Variants in AHCTF1 observed in about 807,000 individuals in gnomAD.
AHCTF1 encodes the protein protein ELYS.
In AHCTF1, 24 loss-of-function variants were observed where a neutral mutation model predicts 248.4. The observed-to-expected ratio is 0.10, with a 90% CI of 0.07 to 0.14. The LOEUF (loss-of-function observed/expected upper bound fraction) is 0.14, where lower values mean the gene tolerates loss of function less well. Among genes scored for constraint, AHCTF1 ranks in the 10% least tolerant of loss-of-function variants. The pLI is 1.00. For missense variants in AHCTF1, 2,206 were observed against 2,636.2 expected, an observed-to-expected ratio of 0.84 and a Z score of 3.57; for synonymous variants, 786 against 929.8, an observed-to-expected ratio of 0.85 and a Z score of 2.81.
chr1:246,897,498 T>C (rs1454886800), intron 12 of AHCTF1, among the ~76,000 whole-genome samples: 1 of 152,228 alleles, frequency 6.6e-6, no homozygotes, highest in Admixed American at 6.5e-5. Flanking sequence ...AGGTGTTTCA[T>C]TGTTGTGCAA....
intron 6 of AHCTF1, among the ~76,000 whole-genome samples, chr1:246,905,129 G>T (rs748841123): frequency 6.6e-6 from 1 of 152,182 alleles, no homozygotes; most frequent in Non-Finnish European, 1.5e-5. Flanking sequence ...TTCACTGAAA[G>T]AATTGTGTTG....
chr1:246,927,599 C>T (rs1667030556), intron 1 of AHCTF1, among the ~76,000 whole-genome samples: 1 of 152,254 alleles, frequency 6.6e-6, no homozygotes, highest in African/African-American at 2.4e-5. Context: ...AGAATCCCAG[C>T]CTTTTATGAC....
chr1:246,931,019 C>G, intron 1 of AHCTF1: 1 of 1,402,346 alleles, frequency 7.1e-7, no homozygotes. Flanking sequence ...GAAGGCAAAG[C>G]ACCCCAAGAT....
At chr1:246,930,933 C>G (rs1667304571) in intron 1 of AHCTF1, among the ~76,000 whole-genome samples, 1 of 152,188 alleles carries the variant, frequency 6.6e-6, no homozygotes, top group South Asian at 2.1e-4. Context: ...TTCCCCATCT[C>G]TCAAAACAAA....
chr1:246,869,029 A>G (rs534255131), intron 24 of AHCTF1, among the ~76,000 whole-genome samples: 2 of 151,466 alleles, frequency 1.3e-5, no homozygotes, highest in Non-Finnish European at 2.9e-5. Flanking sequence ...TATTTTTAGT[A>G]GAGACGGGGT....
At chr1:246,923,922 G>C (rs1666753141) in intron 1 of AHCTF1, among the ~76,000 whole-genome samples, 2 of 152,150 alleles carry the variant, frequency 1.3e-5, no homozygotes, top group African/African-American at 4.8e-5. Context: ...TATGCCACAG[G>C]ACCTGAGAAG....
intron 25 of AHCTF1, 88 bp from the exon 26 acceptor site, chr1:246,867,439 G>A (rs1662065257): frequency 9.7e-6 from 10 of 1,028,072 alleles, no homozygotes; most frequent in African/African-American, 1.6e-5. Flanking sequence ...GTTTTCATTC[G>A]TTTTACTTTG....
At position 246,850,871 on chromosome 1, in the gene AHCTF1, T is replaced by C. The variant is rs773403571; in HGVS notation, c.5135A>G (p.Lys1712Arg). The C allele has an allele frequency of 5.6e-6, 9 of 1,613,980 alleles. No individual in the cohort carries two copies. Among genetic ancestry groups the C allele is most frequent in the Non-Finnish European group, 7.6e-6 (9 of 1,179,870 alleles). ...TTCCTGAGCAGTCTTAAATGCAGAT[T>C]TGACCAATTTAGTGGGACACATTAT... The part of the protein sequence containing the change: ...QNIMCPTKLV[K>R]SAFKTAQETS... Residue 1712 changes from lysine to arginine, a missense_variant, in exon 33 of 36, where the codon AAA becomes AGA. This residue lies in a region of AHCTF1 where 955 missense variants were observed against 1,055.6 expected (regional missense o/e 0.90). Transcript: ENST00000648844.
chr1:246,911,074 T>G (rs547225408), intron 4 of AHCTF1, among the ~76,000 whole-genome samples: 1 of 152,336 alleles, frequency 6.6e-6, no homozygotes, highest in Non-Finnish European at 1.5e-5. Flanking sequence ...AAAGTCCAAC[T>G]GCTTCCAATT....
At chr1:246,845,383 A>G (rs975834510) in intron 33 of AHCTF1, among the ~76,000 whole-genome samples, 90 of 152,218 alleles carry the variant, frequency 5.9e-4, no homozygotes, top group African/African-American at 2.1e-3. Flanking sequence ...AGAAAAATAG[A>G]GTTGATATCA....
Position 246,889,879 on chromosome 1 carries a change from C to T in AHCTF1, c.2144+87G>A. 5.5e-6 allele frequency: 5 copies of T among 908,060 alleles called. No homozygotes were observed. The Admixed American group carries it at 1.1e-4, about 20-fold the overall frequency. 56.3% of individuals were successfully genotyped at this position (908,060 alleles called of 1,614,324 possible). On this transcript the variant is annotated intron_variant, in intron 17 of 35. Transcript: ENST00000648844. ...CTGATACTTAACTGAGAATTCTACC[C>T]ATTTAATCACTTTGTAAAACGATGA... is the stretch of plus-strand genomic sequence containing the variant.
intron 4 of AHCTF1, among the ~76,000 whole-genome samples, chr1:246,909,942 C>T (rs1230989564): frequency 6.6e-6 from 1 of 152,104 alleles, no homozygotes; most frequent in Non-Finnish European, 1.5e-5. Context: ...AAAATTCACC[C>T]CCTGCTGAGA....
At chr1:246,844,281 T>C (rs1363783540) in intron 33 of AHCTF1, among the ~76,000 whole-genome samples, 3 of 152,218 alleles carry the variant, frequency 2.0e-5, no homozygotes, top group Non-Finnish European at 4.4e-5. Flanking sequence ...ATATGTAACC[T>C]GAGCTAGTCT....
intron 33 of AHCTF1, among the ~76,000 whole-genome samples, chr1:246,846,534 T>C (rs1660272465): frequency 6.6e-6 from 1 of 152,052 alleles, no homozygotes; most frequent in East Asian, 1.9e-4. Flanking sequence ...AAATGAGAGA[T>C]CTCAATCCCA....
chr1:246,842,747 C>T lies in AHCTF1; in HGVS notation c.6555G>A (p.Leu2185=). The change falls in exon 35 of 36, where the codon CTG becomes CTA. Residue 2185 remains leucine (L), a synonymous_variant. Coordinates refer to ENST00000648844, the MANE Select transcript of AHCTF1 (RefSeq NM_001323342.2). ...TGATTCGTTTCGCTTTTGGCTTTCC[C>T]AGAGTTTCTACTGATTGTGCATCAT... is the stretch of plus-strand genomic sequence containing the variant. ...LKDDAQSVET[L]GKPKAKRIRT... is the part of the protein sequence containing the mutation. 1 of 1,613,738 alleles carries T rather than the reference C, an allele frequency of 6.2e-7. No homozygotes were observed.
rs1661522025 is a variant in AHCTF1, at chr1:246,861,207, C to T, written c.3824G>A (p.Arg1275Lys). 6.2e-7 allele frequency: 1 copy of T among 1,613,556 alleles called. No individual in the cohort carries two copies. Among genetic ancestry groups the T allele is most frequent in the East Asian group, 2.2e-5 (1 of 44,878 alleles). ...GCTGTTCAGGAAAAAAGATGTGGTCCTATCTTTGCTCTTCAGCCATTCAGT... is the reference window on the plus strand; with the variant it reads ...GCTGTTCAGGAAAAAAGATGTGGTCTTATCTTTGCTCTTCAGCCATTCAGT... ...VETEWLKSKDRTTSFFLNSPE... is the reference protein window; with the variant it reads ...VETEWLKSKDKTTSFFLNSPE... Residue 1275 changes from arginine (R) to lysine (K), a missense_variant, in exon 29 of 36, where the codon AGG becomes AAG. By Grantham distance (26) the Arg-to-Lys change is conservative. This residue lies in a region of AHCTF1 where 955 missense variants were observed against 1,055.6 expected (regional missense o/e 0.90). Transcript: ENST00000648844.
intron 7 of AHCTF1, 33 bp downstream of exon 7, chr1:246,903,916 G>A (rs751977393): frequency 2.0e-5 from 29 of 1,428,338 alleles, no homozygotes; most frequent in Middle Eastern, 1.8e-4. Context: ...CAACAAAATG[G>A]TAATATAAAC....
intron 24 of AHCTF1, among the ~76,000 whole-genome samples, chr1:246,869,598 T>A (rs1274149574): frequency 6.6e-6 from 1 of 151,932 alleles, no homozygotes; most frequent in Non-Finnish European, 1.5e-5. Flanking sequence ...CCCTTAAAAA[T>A]GATGGGAAAT....
chr1:246,865,374 C>A (rs955244281), intron 26 of AHCTF1: 2 of 152,112 alleles, frequency 1.3e-5, no homozygotes, highest in Non-Finnish European at 2.9e-5. Flanking sequence ...GAGCGGTAGA[C>A]CAACACAGGT....
Sources: gnomAD v4.1 joint callset for allele counts (sites outside exome capture counted in the v4.1 genomes callset) on GRCh38, gnomAD v4.1.1 for gene constraint, gnomAD v4.1.1 regional missense constraint, MANE v1.5 for transcripts, NCBI Gene and HGNC (gene_info 2026-07-23, HGNC 2026-07-21) for gene names.